PRR5L: variants seen among roughly 807,000 people sequenced by gnomAD.
The protein encoded by PRR5L is proline rich 5 like, also known as proline-rich protein 5-like.
In PRR5L, 21 loss-of-function variants were observed where a neutral mutation model predicts 36.4. The ratio of observed to expected loss-of-function variants is 0.58; its 90% CI spans 0.41 to 0.83. The LOEUF is 0.83. Among genes scored for constraint, PRR5L ranks in the 40% least tolerant of loss-of-function variants. The pLI, the probability that PRR5L is intolerant of heterozygous loss-of-function variation, is 0.00. For synonymous variants in PRR5L, 188 were observed against 197.0 expected (o/e 0.95, Z 0.38); for missense variants, 381 against 473.3 (o/e 0.80, Z 1.81).
chr11:36,424,568 T>C (rs890261), intron 4 of PRR5L, among the ~76,000 whole-genome samples: 145,647 of 152,300 alleles, frequency 0.96, 69,874 homozygotes, highest in Non-Finnish European at 1. Context: ...GTTGGAAGCG[T>C]CGGGAAATTT....
rs1244871035 is a variant in PRR5L, at chr11:36,377,194, C to A, written c.-125-23803C>A. Among the ~76,000 whole-genome samples, 1 of 152,172 alleles carries A rather than the reference C, an allele frequency of 6.6e-6. No individual in the cohort carries two copies. The highest frequency in any genetic ancestry group is 2.4e-5 in the African/African-American group (1 of 41,462). On this transcript the variant is annotated intron_variant, in intron 1 of 8. Coordinates refer to ENST00000530639, the MANE Select transcript of PRR5L (RefSeq NM_001160167.2). This position sits in a 1 kb window ranked among gnomAD's most constrained non-coding sequence, Gnocchi z 5.1. Reference sequence around the variant, plus strand: ...CGGTCCCCCTTTTTCTGGAGGGAGGCGTGGGAGAGAAGGGCAGGGCAGGGA... The same window carrying A: ...CGGTCCCCCTTTTTCTGGAGGGAGGAGTGGGAGAGAAGGGCAGGGCAGGGA...
intron 1 of PRR5L, among the ~76,000 whole-genome samples, chr11:36,352,615 A>T (rs182069002): frequency 1.9e-4 from 29 of 152,174 alleles, no homozygotes; most frequent in African/African-American, 5.8e-4. Context: ...ACCAGTAATT[A>T]GATCTCTGGA....
At chr11:36,348,782 A>G (rs1856892694) in intron 1 of PRR5L, among the ~76,000 whole-genome samples, 1 of 152,236 alleles carries the variant, frequency 6.6e-6, no homozygotes, top group Admixed American at 6.5e-5. Context: ...ATTGAATGAC[A>G]TCACAACACC....
At chr11:36,413,748 C>T (rs918063732) in intron 3 of PRR5L, among the ~76,000 whole-genome samples, 3 of 145,584 alleles carry the variant, frequency 2.1e-5, no homozygotes, top group South Asian at 2.2e-4. Flanking sequence ...TTTTAGTGTA[C>T]GTGTGCACAA....
intron 1 of PRR5L, among the ~76,000 whole-genome samples, chr11:36,311,302 C>A (rs539131449): frequency 6.6e-6 from 1 of 152,294 alleles, no homozygotes; most frequent in African/African-American, 2.4e-5. Context: ...ACATATCTAG[C>A]ACCAACAGGA....
chr11:36,313,732 C>G (rs1216716720), intron 1 of PRR5L, among the ~76,000 whole-genome samples: 1 of 152,192 alleles, frequency 6.6e-6, no homozygotes, highest in Non-Finnish European at 1.5e-5. Flanking sequence ...TTGACCTTGT[C>G]TGCATTGCCA....
chr11:36,425,323 A>G (rs1161466416), intron 4 of PRR5L: 3 of 152,230 alleles, frequency 2.0e-5, no homozygotes, highest in African/African-American at 7.2e-5. Context: ...AAATACATAC[A>G]GCTAGTAAAT....
At chr11:36,356,813 C>T (rs548428915) in intron 1 of PRR5L, among the ~76,000 whole-genome samples, 1 of 152,174 alleles carries the variant, frequency 6.6e-6, no homozygotes, top group East Asian at 1.9e-4. Flanking sequence ...CTCCTGGGGC[C>T]TTGGTATTTC....
intron 1 of PRR5L, among the ~76,000 whole-genome samples, chr11:36,335,778 T>C (rs1856763358): frequency 6.6e-6 from 1 of 152,258 alleles, no homozygotes; most frequent in Non-Finnish European, 1.5e-5. Flanking sequence ...TGACTCACGG[T>C]TAGCCAACTA....
At chr11:36,393,544 T>C (rs1038046858) in intron 1 of PRR5L, among the ~76,000 whole-genome samples, 1 of 152,188 alleles carries the variant, frequency 6.6e-6, no homozygotes. Flanking sequence ...GTGTGTCTGT[T>C]TTTTATGCCA....
chr11:36,301,292 G>C (rs1280793089), intron 1 of PRR5L, among the ~76,000 whole-genome samples: 1 of 152,206 alleles, frequency 6.6e-6, no homozygotes, highest in Non-Finnish European at 1.5e-5. Flanking sequence ...GTCTGAAGCA[G>C]AGTTGTGACC....
intron 3 of PRR5L, among the ~76,000 whole-genome samples, chr11:36,418,868 G>A (rs922906108): frequency 4.3e-4 from 65 of 152,268 alleles, no homozygotes; most frequent in African/African-American, 1.5e-3. Flanking sequence ...GTTGAAGAAT[G>A]TATGAAAAAT....
intron 1 of PRR5L, among the ~76,000 whole-genome samples, chr11:36,310,619 A>G (rs969993577): frequency 1.1e-4 from 17 of 152,218 alleles, no homozygotes; most frequent in Admixed American, 9.8e-4. Context: ...CAGAACCAGC[A>G]TGGAACATGC....
Position 36,462,681 on chromosome 11 carries a change from AG to A in PRR5L, c.1057del (p.Ala353ProfsTer10). 6.2e-7 allele frequency: 1 copy of A among 1,604,466 alleles called. No homozygotes were observed. The highest frequency in any genetic ancestry group is 8.5e-7 in the Non-Finnish European group (1 of 1,176,000). On this transcript the variant is annotated frameshift_variant, in exon 9 of 9. Transcript: ENST00000530639. LOFTEE classifies it high-confidence loss of function. ...NITDNPDGLE[E>X]GARGSQEGSE... ...ACTGACAACCCTGACGGACTGGAGG[AG>A]GGGGCCAGGGGCAGCCAGGAGGGCT...
rs868287115 is a variant in PRR5L at position 36,377,303 on chromosome 11, G to T, written c.-125-23694G>T. 1.3e-5 allele frequency among the ~76,000 whole-genome samples: 2 copies of T among 152,220 alleles called. No individual in the cohort carries two copies. Among genetic ancestry groups the T allele is most frequent in the African/African-American group, 4.8e-5 (2 of 41,468 alleles). On this transcript the variant is annotated intron_variant, in intron 1 of 8. Transcript: ENST00000530639. The surrounding 1 kb of genome is among the most constrained non-coding windows in gnomAD (Gnocchi z 5.1). ...GCCCAGCCAGTGGGGATCCCGCCGG[G>T]ACGGGCTGTGAGCAAGCCCTGGGAC...
chr11:36,453,668 A>G (rs1590608028), intron 8 of PRR5L, among the ~76,000 whole-genome samples: 1 of 152,294 alleles, frequency 6.6e-6, no homozygotes, highest in East Asian at 1.9e-4. Flanking sequence ...TCCAGAGCAC[A>G]CAGCCCAGGG....
At chr11:36,461,297 G>A (rs1203005970) in intron 8 of PRR5L, among the ~76,000 whole-genome samples, 1 of 152,032 alleles carries the variant, frequency 6.6e-6, no homozygotes, top group Admixed American at 6.5e-5. Flanking sequence ...TCTAGGTTTA[G>A]CACAGTTTTT....
At chr11:36,400,745 A>G (rs1401362863) in intron 1 of PRR5L, among the ~76,000 whole-genome samples, 1 of 152,194 alleles carries the variant, frequency 6.6e-6, no homozygotes, top group Non-Finnish European at 1.5e-5. Context: ...CACAGCTTAG[A>G]AATCATTTTT....
intron 2 of PRR5L, 93 bp from the exon 3 acceptor site, chr11:36,403,205 C>G (rs1857834856): frequency 9.7e-7 from 1 of 1,034,096 alleles, no homozygotes; most frequent in Admixed American, 1.9e-5. Context: ...TATGAGCTTC[C>G]TGGTCACTCC....
Sources: gnomAD v4.1 joint callset for allele counts (sites outside exome capture counted in the v4.1 genomes callset) on GRCh38, gnomAD v4.1.1 for gene constraint, Gnocchi (gnomAD v3.1) non-coding constraint, MANE v1.5 for transcripts, NCBI Gene and HGNC (gene_info 2026-07-23, HGNC 2026-07-21) for gene names.